VAV2: variants seen among roughly 807,000 people sequenced by gnomAD.
VAV2 encodes guanine nucleotide exchange factor VAV2.
VAV2 carries 67 observed loss-of-function variants against 132.5 expected under a neutral mutation model. The ratio of observed to expected loss-of-function variants is 0.51; its 90% CI spans 0.42 to 0.62. VAV2 has a LOEUF of 0.62. Among genes scored for constraint, VAV2 ranks in the 20% least tolerant of loss-of-function variants. VAV2 has a pLI of 0.00. For missense variants in VAV2, 938 were observed against 1,153.6 expected (o/e 0.81, Z 2.71); for synonymous variants, 492 against 443.5 (o/e 1.11, Z -1.37).
chr9:133,877,317 C>G (rs1255384309), intron 2 of VAV2, among the ~76,000 whole-genome samples: 1 of 152,216 alleles, frequency 6.6e-6, no homozygotes, highest in Non-Finnish European at 1.5e-5. Context: ...CTGGGACCCA[C>G]ACCCCAGACA....
intron 2 of VAV2, among the ~76,000 whole-genome samples, chr9:133,899,341 G>A (rs1302767206): frequency 6.6e-6 from 1 of 151,626 alleles, no homozygotes; most frequent in Non-Finnish European, 1.5e-5. Flanking sequence ...TGGATCACTC[G>A]AGCCCAGGAG....
intron 2 of VAV2, among the ~76,000 whole-genome samples, chr9:133,936,078 T>C (rs1224050666): frequency 6.6e-6 from 1 of 151,362 alleles, no homozygotes; most frequent in Non-Finnish European, 1.5e-5. Context: ...ACTTTGAGGG[T>C]GGGAGTGTCA....
At chr9:133,807,549 G>A (rs1408926050) in intron 7 of VAV2, among the ~76,000 whole-genome samples, 3 of 152,218 alleles carry the variant, frequency 2.0e-5, no homozygotes, top group East Asian at 1.9e-4. Context: ...CAGCGTGACG[G>A]GGGCAGAGTC....
chr9:133,781,534 C>A (rs902605640), intron 19 of VAV2, among the ~76,000 whole-genome samples: 10 of 152,278 alleles, frequency 6.6e-5, no homozygotes, highest in African/African-American at 2.4e-4. Context: ...CTGATGGGGG[C>A]TTCCCACAGG....
At chr9:133,855,370 G>A (rs927100330) in intron 3 of VAV2, among the ~76,000 whole-genome samples, 3 of 152,224 alleles carry the variant, frequency 2.0e-5, no homozygotes, top group African/African-American at 7.2e-5. Context: ...ATTTGGGAAG[G>A]CAAAACCAGG....
intron 1 of VAV2, among the ~76,000 whole-genome samples, chr9:133,942,284 G>T (rs769279582): frequency 1.2e-4 from 18 of 152,370 alleles, no homozygotes; most frequent in Non-Finnish European, 2.4e-4. Context: ...CACTCCAAGG[G>T]TGGCCACCGT....
At chr9:133,907,666 C>T (rs1839709173) in intron 2 of VAV2, among the ~76,000 whole-genome samples, 2 of 152,242 alleles carry the variant, frequency 1.3e-5, no homozygotes, top group African/African-American at 2.4e-5. Context: ...CTAGATCCAC[C>T]GCCATCCTCG....
rs1373963989 is a variant in VAV2 at position 133,840,939 on chromosome 9, G to A, written c.381-6599C>T. ...GGGGTCTCCAAGCTGAGGGTAGCAA[G>A]CACAGGTCTGTCAGTGCAGACCCTC... On this transcript the variant is annotated intron_variant, in intron 3 of 29. Transcript: ENST00000371850. This position sits in a 1 kb window ranked among gnomAD's most constrained non-coding sequence, Gnocchi z 4.5. Among the ~76,000 whole-genome samples the A allele has an allele frequency of 2.6e-5, 4 of 152,144 alleles. No homozygotes were observed. Among genetic ancestry groups the A allele is most frequent in the African/African-American group, 9.7e-5 (4 of 41,440 alleles).
intron 1 of VAV2, among the ~76,000 whole-genome samples, chr9:133,953,864 C>A (rs1407070090): frequency 6.6e-6 from 1 of 152,194 alleles, no homozygotes; most frequent in Non-Finnish European, 1.5e-5. Flanking sequence ...TACCCCAAAA[C>A]CAAGACCTGT....
intron 1 of VAV2, among the ~76,000 whole-genome samples, chr9:133,970,570 C>A (rs1842297490): frequency 6.6e-6 from 1 of 152,220 alleles, no homozygotes; most frequent in South Asian, 2.1e-4. Context: ...TTGACAGACA[C>A]ATGTGGGGCT....
At position 133,876,117 on chromosome 9, in the gene VAV2, A is replaced by C. The variant is rs536064009; in HGVS notation, c.322-14685T>G. Reference sequence around the variant, plus strand: ...GGATCAGGACTGGAGCTGCACTACCAGCCTTCCTGACCTCCAGCTTCACAG... The same window carrying C: ...GGATCAGGACTGGAGCTGCACTACCCGCCTTCCTGACCTCCAGCTTCACAG... On this transcript the variant is annotated intron_variant, in intron 2 of 29. Coordinates refer to ENST00000371850, the MANE Select transcript of VAV2 (RefSeq NM_001134398.2). Among the ~76,000 whole-genome samples the C allele has an allele frequency of 6.6e-5, 10 of 152,312 alleles. No individual in the cohort carries two copies. In the South Asian group the frequency reaches 2.1e-3, roughly 32 times the overall value.
intron 2 of VAV2, among the ~76,000 whole-genome samples, chr9:133,892,407 G>A (rs1294084552): frequency 6.6e-6 from 1 of 151,884 alleles, no homozygotes; most frequent in Non-Finnish European, 1.5e-5. Flanking sequence ...TGAGGAGGTG[G>A]GGAGTGAAAG....
chr9:133,979,223 CGGGT>C (rs2132284225), intron 1 of VAV2, among the ~76,000 whole-genome samples: 1 of 152,200 alleles, frequency 6.6e-6, no homozygotes, highest in Admixed American at 6.5e-5. Flanking sequence ...GGCTGACAGC[CGGGT>C]CCTCGGCCAA....
intron 4 of VAV2, among the ~76,000 whole-genome samples, chr9:133,820,836 G>T (rs916033536): frequency 2.0e-5 from 3 of 152,180 alleles, no homozygotes; most frequent in Non-Finnish European, 4.4e-5. Flanking sequence ...GGAGTACAGG[G>T]CAGTGACAGG....
chr9:133,786,132 T>C (rs186487484), intron 16 of VAV2, among the ~76,000 whole-genome samples: 2 of 152,356 alleles, frequency 1.3e-5, no homozygotes, highest in Admixed American at 6.5e-5. Flanking sequence ...TGAGAATACA[T>C]ATGCGCTTGT....
At position 133,809,052 on chromosome 9, in the gene VAV2, C is replaced by T. The variant is rs767001428; in HGVS notation, c.654G>A (p.Glu218=). The T allele has an allele frequency of 5.0e-6, 8 of 1,613,942 alleles. No homozygotes were observed. In the South Asian group the frequency reaches 7.7e-5, roughly 16 times the overall value. The change falls in exon 7 of 30, where the codon GAG becomes GAA. Residue 218 remains glutamate, a synonymous_variant. Coordinates refer to ENST00000371850, the MANE Select transcript of VAV2 (RefSeq NM_001134398.2). ...CATCTGCCCTCACCTTCTCAATGTC[C>T]TCCAGGGTGCGGTAGTACTTGGCCT... The part of the protein sequence containing the change: ...ETEAKYYRTL[E]DIEKNYMSPL...
rs1308609106 is a variant in VAV2, at chr9:133,768,380, A to G, written c.2589+62T>C. On this transcript the variant is annotated intron_variant, in intron 29 of 29. Coordinates refer to ENST00000371850, the MANE Select transcript of VAV2 (RefSeq NM_001134398.2). The surrounding 1 kb of genome is among the most constrained non-coding windows in gnomAD (Gnocchi z 5.3). ...CATAGGTGTGGTGCTAGTCTGCCTG[A>G]GCCCGACCAGGTAGGGGCTGCAGCG... 6.3e-7 allele frequency: 1 copy of G among 1,579,284 alleles called. No homozygotes were observed. The highest frequency in any genetic ancestry group is 8.6e-7 in the Non-Finnish European group (1 of 1,166,858).
intron 3 of VAV2, among the ~76,000 whole-genome samples, chr9:133,847,493 G>A (rs1394782468): frequency 6.6e-6 from 1 of 152,190 alleles, no homozygotes; most frequent in East Asian, 1.9e-4. Flanking sequence ...GATGACGCAT[G>A]AGGCTGGTTT....
intron 2 of VAV2, 150 bp from the exon 3 acceptor site, chr9:133,861,582 T>G: frequency 1.2e-6 from 1 of 830,588 alleles, no homozygotes; most frequent in Non-Finnish European, 1.8e-6. Flanking sequence ...TTTTGTAGGC[T>G]AGACACTTGT....
Sources: gnomAD v4.1 joint callset for allele counts (sites outside exome capture counted in the v4.1 genomes callset) on GRCh38, gnomAD v4.1.1 for gene constraint, Gnocchi (gnomAD v3.1) non-coding constraint, MANE v1.5 for transcripts, NCBI Gene and HGNC (gene_info 2026-07-23, HGNC 2026-07-21) for gene names.